Variants in TMEM163 observed in about 807,000 individuals in gnomAD.
The protein encoded by TMEM163 is transmembrane protein 163.
In TMEM163, 17 loss-of-function variants were observed where a neutral mutation model predicts 29.3. That is an observed-to-expected ratio of 0.58 (90% CI 0.40 to 0.87). The LOEUF is 0.87. Ranked by LOEUF, TMEM163 falls within the 40% of genes least tolerant of loss-of-function variation. The pLI is 0.00. For synonymous variants in TMEM163, 157 were observed against 160.6 expected, an observed-to-expected ratio of 0.98 and a Z score of 0.17; for missense variants, 303 against 381.5, an observed-to-expected ratio of 0.79 and a Z score of 1.71.
intron 1 of TMEM163, among the ~76,000 whole-genome samples, chr2:134,717,480 C>T (rs2104904404): frequency 6.6e-6 from 1 of 152,298 alleles, no homozygotes; most frequent in African/African-American, 2.4e-5. Context: ...CTGCCGTTTC[C>T]ATGTCATTTT....
chr2:134,681,597 T>G (rs1684249989), intron 2 of TMEM163, among the ~76,000 whole-genome samples: 1 of 152,158 alleles, frequency 6.6e-6, no homozygotes, highest in African/African-American at 2.4e-5. Flanking sequence ...CTGTAAGTCC[T>G]ACCACTCAGC....
chr2:134,538,008 G>A (rs1680578230), intron 4 of TMEM163, among the ~76,000 whole-genome samples: 1 of 152,240 alleles, frequency 6.6e-6, no homozygotes, highest in African/African-American at 2.4e-5. Flanking sequence ...TACTCTGCTG[G>A]TGGGAATGTA....
chr2:134,551,201 T>C (rs1359066788), intron 3 of TMEM163, among the ~76,000 whole-genome samples: 1 of 151,722 alleles, frequency 6.6e-6, no homozygotes, highest in Non-Finnish European at 1.5e-5. Flanking sequence ...CAGAGAAAAA[T>C]GTAGGTGTGT....
chr2:134,591,681 C>T (rs781420206), intron 2 of TMEM163, among the ~76,000 whole-genome samples: 13 of 152,196 alleles, frequency 8.5e-5, no homozygotes, highest in Non-Finnish European at 1.5e-4. Flanking sequence ...CATCACAACA[C>T]TGTTCCATTT....
At chr2:134,659,942 GA>G (rs914783958) in intron 2 of TMEM163, among the ~76,000 whole-genome samples, 46 of 150,404 alleles carry the variant, frequency 3.1e-4, no homozygotes, top group African/African-American at 1.1e-3. Context: ...ATCTCTGAGG[GA>G]AAAAAAAAGG....
chr2:134,694,408 C>G (rs1231889771), intron 2 of TMEM163, among the ~76,000 whole-genome samples: 1 of 152,154 alleles, frequency 6.6e-6, no homozygotes, highest in East Asian at 1.9e-4. Flanking sequence ...ATGGCACTGC[C>G]CATACTGGAG....
chr2:134,566,828 TAA>T (rs964810607), intron 2 of TMEM163, among the ~76,000 whole-genome samples: 3 of 152,202 alleles, frequency 2.0e-5, no homozygotes, highest in Admixed American at 2.0e-4. Flanking sequence ...CATCCATTAA[TAA>T]GAGAGTTGTT....
intron 5 of TMEM163, among the ~76,000 whole-genome samples, chr2:134,483,349 G>C (rs921786562): frequency 6.6e-6 from 1 of 151,980 alleles, no homozygotes; most frequent in Non-Finnish European, 1.5e-5. Flanking sequence ...CAAGCCCCTC[G>C]CAACACAGAG....
chr2:134,544,942 G>A lies in TMEM163; in HGVS notation c.458+5628C>T, dbSNP rs1052210034. Among the ~76,000 whole-genome samples the A allele has an allele frequency of 1.1e-4, 17 of 152,262 alleles. No homozygotes were observed. The South Asian group carries it at 1.7e-3, about 15-fold the overall frequency. ...CGCTGAGCATCTGTTGGACAGCTCTGGTTGTCATAAAATGTGTCCCCTCCT... is the reference window on the plus strand; with the variant it reads ...CGCTGAGCATCTGTTGGACAGCTCTAGTTGTCATAAAATGTGTCCCCTCCT... On this transcript the variant is annotated intron_variant, in intron 4 of 7. Coordinates refer to ENST00000281924, the MANE Select transcript of TMEM163 (RefSeq NM_030923.5).
chr2:134,488,286 T>G (rs1051595905), intron 5 of TMEM163, among the ~76,000 whole-genome samples: 4 of 152,162 alleles, frequency 2.6e-5, no homozygotes, highest in African/African-American at 7.2e-5. Context: ...CCTCCCAAAG[T>G]AAAAAGAGAT....
intron 5 of TMEM163, among the ~76,000 whole-genome samples, chr2:134,487,413 G>A (rs1041561370): frequency 2.0e-4 from 30 of 152,182 alleles, no homozygotes; most frequent in Admixed American, 7.2e-4. Flanking sequence ...GGACATAAAA[G>A]AAAACCTTAA....
chr2:134,679,878 T>C (rs1261537431), intron 2 of TMEM163, among the ~76,000 whole-genome samples: 1 of 119,820 alleles, frequency 8.3e-6, no homozygotes. Context: ...CCTGCCCAGA[T>C]ACTCAGCCAT....
chr2:134,651,486 T>C (rs1683478059), intron 2 of TMEM163, among the ~76,000 whole-genome samples: 8 of 107,576 alleles, frequency 7.4e-5, no homozygotes, highest in Admixed American at 2.8e-4. Context: ...TTCTCCCATT[T>C]TGTAGGTTGC....
At chr2:134,458,447 C>T (rs1245197606) in intron 6 of TMEM163, 2 of 418,878 alleles carry the variant, frequency 4.8e-6, no homozygotes, top group East Asian at 4.4e-5. Flanking sequence ...TAGCTGGTCT[C>T]GCCCGTGCCC....
chr2:134,462,133 G>A (rs1183849779), intron 6 of TMEM163, among the ~76,000 whole-genome samples: 1 of 147,820 alleles, frequency 6.8e-6, no homozygotes, highest in Non-Finnish European at 1.5e-5. Flanking sequence ...GAACAGGCTC[G>A]GGGGCGGGGG....
At chr2:134,555,599 T>C (rs1180731658) in intron 2 of TMEM163, among the ~76,000 whole-genome samples, 1 of 152,252 alleles carries the variant, frequency 6.6e-6, no homozygotes, top group Non-Finnish European at 1.5e-5. Flanking sequence ...AGCTCTCCTA[T>C]GAAGGCTGCT....
At chr2:134,663,156 T>G (rs1046435031) in intron 2 of TMEM163, among the ~76,000 whole-genome samples, 1 of 152,228 alleles carries the variant, frequency 6.6e-6, no homozygotes, top group African/African-American at 2.4e-5. Flanking sequence ...TAAACAGAAC[T>G]GCAAAAAGGC....
rs977022308 is a variant in TMEM163 at position 134,596,545 on chromosome 2, G to A, written c.323-44454C>T. Reference sequence around the variant, plus strand: ...GTAGTATAGTTTGAAGTCAGATAGCGTGATGCCTCCAGCTTTGTTCTTTTG... The same window carrying A: ...GTAGTATAGTTTGAAGTCAGATAGCATGATGCCTCCAGCTTTGTTCTTTTG... On this transcript the variant is annotated intron_variant, in intron 2 of 7. Coordinates refer to ENST00000281924, the MANE Select transcript of TMEM163 (RefSeq NM_030923.5). Among the ~76,000 whole-genome samples, 23 of 152,304 alleles carry A rather than the reference G, an allele frequency of 1.5e-4. 1 individual carries two copies. The highest frequency in any genetic ancestry group is 6.5e-4 in the Admixed American group (10 of 15,300).
Position 134,466,115 on chromosome 2 carries a change from A to G in TMEM163, c.666T>C (p.Asp222=). 3 of 1,611,776 alleles carry G rather than the reference A, an allele frequency of 1.9e-6. No individual in the cohort carries two copies. Among genetic ancestry groups the G allele is most frequent in the Non-Finnish European group, 2.5e-6 (3 of 1,178,966 alleles). Reference sequence around the variant, plus strand: ...ATTAGGCACCCTGGCCTTACTCACCATCTGTTATGAGTGCTCTACTGGTCA... The same window carrying G: ...ATTAGGCACCCTGGCCTTACTCACCGTCTGTTATGAGTGCTCTACTGGTCA... The part of the protein sequence containing the change: ...KVLTSRALIT[D]GFNSLVGGVM... The change falls in exon 6 of 8, where the codon GAT becomes GAC. Residue 222 remains aspartate, a splice_region_variant and synonymous_variant. Coordinates refer to ENST00000281924, the MANE Select transcript of TMEM163 (RefSeq NM_030923.5).
Sources: gnomAD v4.1 joint callset for allele counts (sites outside exome capture counted in the v4.1 genomes callset) on GRCh38, gnomAD v4.1.1 for gene constraint, MANE v1.5 for transcripts, NCBI Gene and HGNC (gene_info 2026-07-23, HGNC 2026-07-21) for gene names.